KIRREL1: variants seen among roughly 807,000 people sequenced by gnomAD.
The protein encoded by KIRREL1 is kin of IRRE-like protein 1.
A neutral mutation model predicts 83.3 loss-of-function variants in KIRREL1; 25 were observed. The observed-to-expected ratio is 0.30, with a 90% CI of 0.22 to 0.42. KIRREL1 has a LOEUF of 0.42. Among genes scored for constraint, KIRREL1 ranks in the 10% least tolerant of loss-of-function variants. The probability of loss-of-function intolerance (pLI) is 1.00; values close to 1 mark genes in which losing one functional copy is unlikely to be tolerated. For missense variants in KIRREL1, 812 were observed against 1,032.3 expected, an observed-to-expected ratio of 0.79 and a Z score of 2.92; for synonymous variants, 388 against 410.4, an observed-to-expected ratio of 0.95 and a Z score of 0.66.
chr1:158,024,288 T>G (rs1660098839), intron 1 of KIRREL1, among the ~76,000 whole-genome samples: 1 of 138,336 alleles, frequency 7.2e-6, no homozygotes, highest in Non-Finnish European at 1.6e-5. Context: ...TTTTTTTTTT[T>G]TTTTTTTTGA....
At chr1:158,023,501 T>G (rs936364427) in intron 1 of KIRREL1, among the ~76,000 whole-genome samples, 3 of 152,090 alleles carry the variant, frequency 2.0e-5, no homozygotes, top group Non-Finnish European at 2.9e-5. Flanking sequence ...GGAAAGTATT[T>G]TGGAGTGAGC....
intron 10 of KIRREL1, 90 bp from the exon 11 acceptor site, chr1:158,091,268 G>A: frequency 8.4e-7 from 1 of 1,193,940 alleles, no homozygotes; most frequent in Non-Finnish European, 1.2e-6. Flanking sequence ...ATAGGGGTGA[G>A]GGTGCCTTGA....
chr1:158,042,990 A>G (rs76483324), intron 1 of KIRREL1, among the ~76,000 whole-genome samples: 6,680 of 150,136 alleles, frequency 0.044, 281 homozygotes, highest in East Asian at 0.22. Context: ...GGGGAGGCTG[A>G]GGCAGGAGAA....
chr1:158,072,364 G>C (rs1309056972), intron 1 of KIRREL1, among the ~76,000 whole-genome samples: 1 of 152,098 alleles, frequency 6.6e-6, no homozygotes, highest in East Asian at 1.9e-4. Flanking sequence ...TGGAACACCC[G>C]TAGTGTGCCA....
chr1:158,001,739 G>A (rs1659367044), intron 1 of KIRREL1, among the ~76,000 whole-genome samples: 2 of 152,284 alleles, frequency 1.3e-5, no homozygotes, highest in Non-Finnish European at 2.9e-5. Flanking sequence ...GGACACTGAG[G>A]CCAGTTGGAC....
chr1:158,070,263 C>A (rs1445863665), intron 1 of KIRREL1, among the ~76,000 whole-genome samples: 1 of 152,208 alleles, frequency 6.6e-6, no homozygotes. Flanking sequence ...TGGAGAGACA[C>A]CCGGGATATC....
intron 1 of KIRREL1, among the ~76,000 whole-genome samples, chr1:158,028,794 A>C (rs16839627): frequency 0.058 from 8,778 of 152,210 alleles, 316 homozygotes; most frequent in South Asian, 0.2. Flanking sequence ...TCATAGGTGC[A>C]CAAGCTAATA....
At chr1:158,083,635 G>T (rs1224913130) in intron 3 of KIRREL1, among the ~76,000 whole-genome samples, 1 of 152,208 alleles carries the variant, frequency 6.6e-6, no homozygotes, top group Non-Finnish European at 1.5e-5. Flanking sequence ...TGACATGGAG[G>T]TTACTGTAAT....
chr1:158,022,708 A>G (rs1350981769), intron 1 of KIRREL1, among the ~76,000 whole-genome samples: 1 of 152,248 alleles, frequency 6.6e-6, no homozygotes, highest in East Asian at 1.9e-4. Context: ...AACAGCCTCC[A>G]GAACAGATTG....
chr1:158,070,204 C>T (rs963572337), intron 1 of KIRREL1, among the ~76,000 whole-genome samples: 5 of 152,182 alleles, frequency 3.3e-5, no homozygotes, highest in African/African-American at 9.7e-5. Flanking sequence ...GATGGCAGAA[C>T]TTAACTGATA....
chr1:158,077,845 G>A (rs910719883), intron 2 of KIRREL1, 146 bp from the exon 3 acceptor site: 15 of 865,560 alleles, frequency 1.7e-5, no homozygotes, highest in Middle Eastern at 3.0e-4. Flanking sequence ...GTGAGGTGTC[G>A]TGGCATCAGG....
chr1:158,087,953 TA>T, intron 6 of KIRREL1, 52 bp from the exon 7 acceptor site: 1 of 1,611,080 alleles, frequency 6.2e-7, no homozygotes, highest in East Asian at 2.2e-5. Flanking sequence ...GTCATGGATG[TA>T]GTTGAGAGGG....
Position 158,071,263 on chromosome 1 carries a change from G to A in KIRREL1, c.53-4850G>A, listed in dbSNP as rs549281334. Among the ~76,000 whole-genome samples the A allele has an allele frequency of 1.5e-4, 23 of 152,060 alleles. 1 individual carries two copies. Among genetic ancestry groups the A allele is most frequent in the African/African-American group, 4.3e-4 (18 of 41,450 alleles). ...TCACTCTAGTCTCCTTTCCCTCCTC[G>A]CTCTCCCTCTGCCTCTGCGTGGGTG... On this transcript the variant is annotated intron_variant, in intron 1 of 14. Coordinates refer to ENST00000359209, the MANE Select transcript of KIRREL1 (RefSeq NM_018240.7).
chr1:158,091,651 C>T, intron 11 of KIRREL1, 95 bp downstream of exon 11: 1 of 1,182,732 alleles, frequency 8.5e-7, no homozygotes, highest in Non-Finnish European at 1.2e-6. Context: ...TGCTCCCCTT[C>T]CCTTGGGCTC....
At chr1:158,001,226 A>G (rs371308031) in intron 1 of KIRREL1, among the ~76,000 whole-genome samples, 2 of 152,186 alleles carry the variant, frequency 1.3e-5, no homozygotes, top group South Asian at 2.1e-4. Context: ...GCGGAAGAGA[A>G]TTGTGTGCTT....
intron 1 of KIRREL1, among the ~76,000 whole-genome samples, chr1:158,047,400 G>A (rs1354837759): frequency 6.6e-6 from 1 of 152,144 alleles, no homozygotes; most frequent in Non-Finnish European, 1.5e-5. Flanking sequence ...TTCAGGGGAA[G>A]GTCAGGCTGG....
In KIRREL1 at chr1:158,088,053, A is replaced by T. The variant is rs1478689026; in HGVS notation, c.815A>T (p.Tyr272Phe). Residue 272 changes from tyrosine to phenylalanine, a missense_variant, in exon 7 of 15, where the codon TAT becomes TTT. Tyr to Phe is a conservative substitution (Grantham distance 22). This residue lies in a region of KIRREL1 where 472 missense variants were observed against 626.8 expected (regional missense o/e 0.75). Transcript: ENST00000359209. ...ATTGAAGACGCCCACGAGAGTCGCT[A>T]TGAGACAAATGTGGATTATTCCTTT... is the stretch of plus-strand genomic sequence containing the variant. ...FLIEDAHESR[Y>F]ETNVDYSFFT... 6.2e-7 allele frequency: 1 copy of T among 1,614,212 alleles called. No individual in the cohort carries two copies. Among genetic ancestry groups the T allele is most frequent in the Non-Finnish European group, 8.5e-7 (1 of 1,180,044 alleles).
intron 8 of KIRREL1, 57 bp from the exon 9 acceptor site, chr1:158,089,445 T>A: frequency 6.2e-7 from 1 of 1,607,038 alleles, no homozygotes; most frequent in Non-Finnish European, 8.5e-7. Flanking sequence ...GGGGCCCTCA[T>A]GGACCTAGGG....
chr1:158,066,695 T>C (rs1002077012), intron 1 of KIRREL1, among the ~76,000 whole-genome samples: 1 of 152,156 alleles, frequency 6.6e-6, no homozygotes, highest in African/African-American at 2.4e-5. Context: ...CCTTTCTGCT[T>C]TCCCACCCCA....
Sources: allele counts gnomAD v4.1 joint callset (sites outside exome capture counted in the v4.1 genomes callset), GRCh38; gene constraint gnomAD v4.1.1; regional missense constraint gnomAD v4.1.1; transcripts MANE v1.5; gene names NCBI Gene and HGNC (gene_info 2026-07-23, HGNC 2026-07-21).